CLEC1A: variants seen among roughly 807,000 people sequenced by gnomAD.
CLEC1A encodes the protein C-type lectin domain family 1 member A, also known as C-type lectin-like receptor-1.
Under a neutral mutation model 28.7 loss-of-function variants are expected in CLEC1A, and 34 were observed. The ratio of observed to expected loss-of-function variants is 1.18; its 90% CI spans 0.90 to 1.57. The LOEUF (loss-of-function observed/expected upper bound fraction) is 1.57. Ranked by LOEUF, CLEC1A falls within the 40% of genes most tolerant of loss-of-function variation. CLEC1A has a pLI of 0.00. For synonymous variants in CLEC1A, 116 were observed against 121.0 expected (o/e 0.96, Z 0.27); for missense variants, 385 against 339.5 (o/e 1.13, Z -1.05).
intron 3 of CLEC1A, among the ~76,000 whole-genome samples, chr12:10,080,326 A>G (rs1391603945): frequency 9.2e-5 from 14 of 152,076 alleles, no homozygotes; most frequent in Non-Finnish European, 2.1e-4. Context: ...CCACCCCCAA[A>G]AAAAGGAAAA....
chr12:10,095,459 G>C (rs1488974954), intron 1 of CLEC1A, among the ~76,000 whole-genome samples: 1 of 151,924 alleles, frequency 6.6e-6, no homozygotes, highest in Non-Finnish European at 1.5e-5. Flanking sequence ...AATTGAGTTA[G>C]AATTTCCCAC....
chr12:10,091,386 C>T (rs1227973376), intron 1 of CLEC1A, among the ~76,000 whole-genome samples: 3 of 149,678 alleles, frequency 2.0e-5, no homozygotes, highest in African/African-American at 7.6e-5. Flanking sequence ...GTTAAGTTTA[C>T]AGGTTTTTGT....
chr12:10,079,648 C>G (rs1022102078), intron 3 of CLEC1A, among the ~76,000 whole-genome samples: 1 of 151,712 alleles, frequency 6.6e-6, no homozygotes, highest in African/African-American at 2.4e-5. Flanking sequence ...GGAAAAACCC[C>G]GTCTCTACTT....
In CLEC1A at chr12:10,090,128, A is replaced by G. The variant is rs141989985; in HGVS notation, c.116-906T>C. 1.6e-4 allele frequency among the ~76,000 whole-genome samples: 25 copies of G among 151,920 alleles called. No individual in the cohort carries two copies. In the East Asian group the frequency reaches 4.8e-3, roughly 29 times the overall value. ...GAAACAAAGAGAGAGTGAAACCCTC[A>G]AACAAACTGTGATCTCTTTGTAGCC... On this transcript the variant is annotated intron_variant, in intron 1 of 5. Transcript: ENST00000315330.
chr12:10,071,543 T>C (rs1866134743), intron 5 of CLEC1A, 30 bp from the exon 6 acceptor site: 1 of 1,507,604 alleles, frequency 6.6e-7, no homozygotes, highest in South Asian at 1.3e-5. Flanking sequence ...GTAAATTCAA[T>C]CACGGTTTAT....
chr12:10,082,653 A>G (rs1273751876), intron 2 of CLEC1A, among the ~76,000 whole-genome samples: 1 of 152,028 alleles, frequency 6.6e-6, no homozygotes, highest in Non-Finnish European at 1.5e-5. Flanking sequence ...CTGAATACTC[A>G]TCCTGGCAAA....
chr12:10,079,461 T>C (rs1866320370), intron 3 of CLEC1A, among the ~76,000 whole-genome samples: 1 of 152,228 alleles, frequency 6.6e-6, no homozygotes, highest in Admixed American at 6.5e-5. Flanking sequence ...TTTTTGTTTG[T>C]TTTTATATAC....
chr12:10,098,381 C>T (rs1014646686), intron 1 of CLEC1A, among the ~76,000 whole-genome samples: 6 of 152,082 alleles, frequency 3.9e-5, no homozygotes, highest in African/African-American at 1.4e-4. Context: ...ATTTAAAACA[C>T]TGCCAGCACA....
chr12:10,076,634 T>C (rs1866257463), intron 3 of CLEC1A, among the ~76,000 whole-genome samples: 1 of 152,074 alleles, frequency 6.6e-6, no homozygotes, highest in East Asian at 1.9e-4. Context: ...CAAGCAAAAA[T>C]GCAGGGAGCC....
chr12:10,077,679 C>T (rs544521181), intron 3 of CLEC1A, among the ~76,000 whole-genome samples: 1 of 152,070 alleles, frequency 6.6e-6, no homozygotes, highest in Non-Finnish European at 1.5e-5. Flanking sequence ...TTCATATTAG[C>T]AAGGCCAATA....
intron 3 of CLEC1A, among the ~76,000 whole-genome samples, chr12:10,077,396 G>GCT (rs1397488917): frequency 6.6e-5 from 10 of 152,018 alleles, no homozygotes; most frequent in Non-Finnish European, 1.3e-4. Flanking sequence ...ACAACAGAGT[G>GCT]AGACCCTGTT....
chr12:10,080,886 A>C (rs1423299950), intron 3 of CLEC1A, among the ~76,000 whole-genome samples: 1 of 152,224 alleles, frequency 6.6e-6, no homozygotes, highest in Non-Finnish European at 1.5e-5. Flanking sequence ...TGAGAACTAT[A>C]GTTATGAGTT....
At chr12:10,080,648 T>C (rs1378942350) in intron 3 of CLEC1A, among the ~76,000 whole-genome samples, 2 of 152,176 alleles carry the variant, frequency 1.3e-5, no homozygotes, top group Non-Finnish European at 2.9e-5. Context: ...CTGAAAAGAA[T>C]AGGAGAATAG....
intron 2 of CLEC1A, among the ~76,000 whole-genome samples, chr12:10,086,941 C>T (rs1866505774): frequency 6.6e-6 from 1 of 152,036 alleles, no homozygotes; most frequent in Admixed American, 6.6e-5. Flanking sequence ...CACGGTGGCT[C>T]ATGCCTGCAA....
Position 10,071,157 on chromosome 12 carries a change from G to T in CLEC1A, c.*176C>A. On this transcript the variant is annotated 3_prime_UTR_variant, in exon 6 of 6. Transcript: ENST00000315330. Reference sequence around the variant, plus strand: ...AAGACTTCTTGTGACTGTTAAATACGTGCATAAACCCAAGCTCAGAAATGC... The same window carrying T: ...AAGACTTCTTGTGACTGTTAAATACTTGCATAAACCCAAGCTCAGAAATGC... 1.9e-6 allele frequency: 1 copy of T among 533,226 alleles called. No homozygotes were observed. Among genetic ancestry groups the T allele is most frequent in the Non-Finnish European group, 3.2e-6 (1 of 311,200 alleles). The allele number at this position is 533,226 out of a possible 1,614,324, so 33.0% of individuals were successfully genotyped here.
rs1168477181 is a variant in CLEC1A, at chr12:10,070,967, T to A, written c.*366A>T. 6.2e-6 allele frequency: 1 copy of A among 161,772 alleles called. No individual in the cohort carries two copies. Among genetic ancestry groups the A allele is most frequent in the Non-Finnish European group, 1.3e-5 (1 of 74,600 alleles). 10.0% of individuals were successfully genotyped at this position (161,772 alleles called of 1,614,324 possible). ...CAGAGAAAAGGATGTTACCTCAATG[T>A]ATTTCCTCTACTTCAAAAAGTTTCT... On this transcript the variant is annotated 3_prime_UTR_variant, in exon 6 of 6. Transcript: ENST00000315330.
intron 1 of CLEC1A, among the ~76,000 whole-genome samples, chr12:10,095,786 A>G (rs888345527): frequency 6.6e-6 from 1 of 152,030 alleles, no homozygotes; most frequent in Non-Finnish European, 1.5e-5. Context: ...TTGTCCTTCC[A>G]TTACTCTAAT....
At chr12:10,079,896 G>A (rs1415981148) in intron 3 of CLEC1A, among the ~76,000 whole-genome samples, 1 of 152,012 alleles carries the variant, frequency 6.6e-6, no homozygotes, top group East Asian at 1.9e-4. Context: ...TATTGCCTGG[G>A]CTGGTCTTGA....
chr12:10,071,175 A>T lies in CLEC1A; in HGVS notation c.*158T>A. On this transcript the variant is annotated 3_prime_UTR_variant, in exon 6 of 6. Transcript: ENST00000315330. ...TAAATACGTGCATAAACCCAAGCTC[A>T]GAAATGCTGGTGATCCTGAACAGGA... 1.6e-6 allele frequency: 1 copy of T among 643,680 alleles called. No individual in the cohort carries two copies. Among genetic ancestry groups the T allele is most frequent in the Non-Finnish European group, 2.5e-6 (1 of 393,986 alleles). The allele number at this position is 643,680 out of a possible 1,614,324, so 39.9% of individuals were successfully genotyped here. A position where few individuals can be genotyped will look rare whatever the true frequency, so the allele number is the denominator to read the frequency against.
Sources: gnomAD v4.1 joint callset for allele counts (sites outside exome capture counted in the v4.1 genomes callset) on GRCh38, gnomAD v4.1.1 for gene constraint, MANE v1.5 for transcripts, NCBI Gene and HGNC (gene_info 2026-07-23, HGNC 2026-07-21) for gene names.